Variants in FAT4 observed in about 807,000 individuals in gnomAD.
The protein encoded by FAT4 is FAT atypical cadherin 4.
FAT4 carries 84 observed loss-of-function variants against 303.9 expected under a neutral mutation model. That is an observed-to-expected ratio of 0.28 (90% CI 0.23 to 0.33). The LOEUF is 0.33. Ranked by LOEUF, FAT4 falls within the 10% of genes least tolerant of loss-of-function variation. The probability of loss-of-function intolerance (pLI) is 1.00; values close to 1 mark genes in which losing one functional copy is unlikely to be tolerated. For missense variants in FAT4, 6,005 were observed against 6,146.8 expected (o/e 0.98, Z 0.77); for synonymous variants, 2,307 against 2,298.8 (o/e 1.00, Z -0.10).
chr4:125,434,861 G>A (rs754741687), intron 8 of FAT4, among the ~76,000 whole-genome samples: 5 of 152,162 alleles, frequency 3.3e-5, no homozygotes, highest in Non-Finnish European at 7.3e-5. Flanking sequence ...ACTTCCTGAT[G>A]TGGTTCTTTA....
chr4:125,375,127 T>C (rs1193406535), intron 2 of FAT4, among the ~76,000 whole-genome samples: 1 of 152,152 alleles, frequency 6.6e-6, no homozygotes, highest in Non-Finnish European at 1.5e-5. Context: ...CATCATAACA[T>C]TTAGTGACAA....
chr4:125,377,474 C>T (rs1298616224), intron 2 of FAT4, among the ~76,000 whole-genome samples: 2 of 152,036 alleles, frequency 1.3e-5, no homozygotes, highest in Non-Finnish European at 2.9e-5. Context: ...AACTAGACCC[C>T]AAACAAGTCA....
intron 2 of FAT4, among the ~76,000 whole-genome samples, chr4:125,390,622 C>T (rs890225779): frequency 6.6e-6 from 1 of 152,176 alleles, no homozygotes; most frequent in African/African-American, 2.4e-5. Context: ...ACAGCATAAA[C>T]TGAGGCATCA....
At chr4:125,425,528 A>G (rs1000890555) in intron 7 of FAT4, among the ~76,000 whole-genome samples, 6 of 152,182 alleles carry the variant, frequency 3.9e-5, no homozygotes, top group African/African-American at 1.4e-4. Flanking sequence ...TGGTAAAGTC[A>G]TAATATTCAT....
At chr4:125,461,467 G>A (rs952907373) in intron 10 of FAT4, among the ~76,000 whole-genome samples, 1 of 151,934 alleles carries the variant, frequency 6.6e-6, no homozygotes, top group African/African-American at 2.4e-5. Context: ...CTTCTTATTT[G>A]TTCCTCATTT....
At chr4:125,385,886 T>C (rs1733731216) in intron 2 of FAT4, among the ~76,000 whole-genome samples, 2 of 152,198 alleles carry the variant, frequency 1.3e-5, no homozygotes, top group Non-Finnish European at 2.9e-5. Context: ...AAAATGTTGG[T>C]ACTTTGGTTT....
rs768901213 is a variant in FAT4 at position 125,463,651 on chromosome 4, T to C, written c.11889T>C (p.Tyr3963=). The C allele has an allele frequency of 6.3e-7, 1 of 1,579,276 alleles. No individual in the cohort carries two copies. The highest frequency in any genetic ancestry group is 1.2e-5 in the South Asian group (1 of 85,544). The change falls in exon 11 of 18, where the codon TAT becomes TAC. Residue 3963 remains tyrosine (Y), a synonymous_variant. Coordinates refer to ENST00000394329, the MANE Select transcript of FAT4 (RefSeq NM_001291303.3). ...GSCQSGVDSY[Y]CHCPFGVFGK... is the part of the protein sequence containing the mutation. ...GCCAAAGTGGTGTGGATTCTTATTA[T>C]TGTCATTGTCCATTTGGTGAGTAAA... is the stretch of plus-strand genomic sequence containing the variant.
intron 7 of FAT4, among the ~76,000 whole-genome samples, chr4:125,427,305 G>A (rs1725118290): frequency 6.6e-6 from 1 of 151,502 alleles, no homozygotes; most frequent in Non-Finnish European, 1.5e-5. Context: ...TTTTTCAGTG[G>A]CATTGTCATA....
rs1287188869 is a variant in FAT4 at position 125,380,929 on chromosome 4, G to A, written c.5176-17855G>A. Among the ~76,000 whole-genome samples, 3 of 152,056 alleles carry A rather than the reference G, an allele frequency of 2.0e-5. No individual in the cohort carries two copies. In the East Asian group the frequency reaches 5.8e-4, roughly 29 times the overall value. On this transcript the variant is annotated intron_variant, in intron 2 of 17. Coordinates refer to ENST00000394329, the MANE Select transcript of FAT4 (RefSeq NM_001291303.3). ...TAGTAAACGATTATATCAAACATTT[G>A]CTTTTTTAATAAACTTGGCTTTATA...
At chr4:125,419,240 G>A (rs564694202) in intron 7 of FAT4, among the ~76,000 whole-genome samples, 11 of 152,222 alleles carry the variant, frequency 7.2e-5, no homozygotes, top group African/African-American at 2.4e-4. Flanking sequence ...GCTTAGTAAG[G>A]CCAAAGTAAC....
rs1178252329 is a variant in FAT4 at position 125,446,290 on chromosome 4, T to C, written c.7200-3T>C. 8 of 1,609,180 alleles carry C rather than the reference T, an allele frequency of 5.0e-6. No individual in the cohort carries two copies. The highest frequency in any genetic ancestry group is 1.3e-5 in the African/African-American group (1 of 74,830). ...ATATCCCTATTTCTGCTTTCTGCTT[T>C]AGTTATAGGATCATCGGTGGAAACT... is the stretch of plus-strand genomic sequence containing the variant. On this transcript the variant is annotated splice_polypyrimidine_tract_variant and splice_region_variant and intron_variant, in intron 8 of 17. Transcript: ENST00000394329.
intron 2 of FAT4, among the ~76,000 whole-genome samples, chr4:125,345,539 C>T (rs1304603142): frequency 1.3e-5 from 2 of 151,358 alleles, no homozygotes; most frequent in Non-Finnish European, 2.9e-5. Context: ...TTATTACTAC[C>T]ATTTAAATAT....
chr4:125,339,432 G>A (rs1214844699), intron 2 of FAT4, among the ~76,000 whole-genome samples: 1 of 151,960 alleles, frequency 6.6e-6, no homozygotes, highest in Non-Finnish European at 1.5e-5. Context: ...TTCTGACCTC[G>A]TGATCCGCCT....
At chr4:125,346,760 G>A (rs1351128456) in intron 2 of FAT4, among the ~76,000 whole-genome samples, 1 of 151,978 alleles carries the variant, frequency 6.6e-6, no homozygotes, top group Non-Finnish European at 1.5e-5. Flanking sequence ...TGGCCTGCTC[G>A]CATATTCAGA....
Position 125,434,396 on chromosome 4 carries a change from T to C in FAT4, c.7170T>C (p.Asp2390=), listed in dbSNP as rs374403799. The change falls in exon 8 of 18, where the codon GAT becomes GAC. Residue 2390 remains aspartate, a synonymous_variant. Coordinates refer to ENST00000394329, the MANE Select transcript of FAT4 (RefSeq NM_001291303.3). ...GTDVLLVNAS[D]ADASKNAVIS... ...ATGTTTTATTGGTAAATGCCTCAGA[T>C]GCTGATGCTTCAAAGAATGCAGTTA... The C allele has an allele frequency of 1.2e-6, 2 of 1,613,950 alleles. No homozygotes were observed. Among genetic ancestry groups the C allele is most frequent in the African/African-American group, 1.3e-5 (1 of 74,946 alleles).
In FAT4 at chr4:125,420,789, T is replaced by C. The variant is rs546201900; in HGVS notation, c.7018+4167T>C. Among the ~76,000 whole-genome samples, 3 of 152,360 alleles carry C rather than the reference T, an allele frequency of 2.0e-5. No individual in the cohort carries two copies. In the East Asian group the frequency reaches 5.8e-4, roughly 29 times the overall value. ...TTTCCCCTGAACCTTCTGGCTCTGA[T>C]TCAATTCTGTTATCTATTAGACGTT... On this transcript the variant is annotated intron_variant, in intron 7 of 17. Coordinates refer to ENST00000394329, the MANE Select transcript of FAT4 (RefSeq NM_001291303.3).
intron 5 of FAT4, among the ~76,000 whole-genome samples, chr4:125,413,545 T>A (rs1247541368): frequency 2.0e-5 from 3 of 149,396 alleles, no homozygotes; most frequent in African/African-American, 7.7e-5. Context: ...TCATAAATAT[T>A]TTTCCCATGT....
intron 2 of FAT4, among the ~76,000 whole-genome samples, chr4:125,377,265 T>C (rs1733367086): frequency 6.6e-6 from 1 of 152,134 alleles, no homozygotes; most frequent in Admixed American, 6.6e-5. Context: ...AAAGAAGCCT[T>C]TACTATTTAC....
chr4:125,432,978 C>T (rs932909602), intron 7 of FAT4, among the ~76,000 whole-genome samples: 1 of 152,104 alleles, frequency 6.6e-6, no homozygotes, highest in Non-Finnish European at 1.5e-5. Context: ...TCTCCAAAAC[C>T]ATTTCATTCC....
Sources: gnomAD v4.1 joint callset for allele counts (sites outside exome capture counted in the v4.1 genomes callset) on GRCh38, gnomAD v4.1.1 for gene constraint, MANE v1.5 for transcripts, NCBI Gene and HGNC (gene_info 2026-07-23, HGNC 2026-07-21) for gene names.